TTC28: variants seen among roughly 807,000 people sequenced by gnomAD.
TTC28 encodes the protein tetratricopeptide repeat domain 28.
TTC28 carries 61 observed loss-of-function variants against 198.0 expected under a neutral mutation model. That is an observed-to-expected ratio of 0.31 (90% CI 0.25 to 0.38). The LOEUF (loss-of-function observed/expected upper bound fraction) is 0.38, where lower values mean the gene tolerates loss of function less well. TTC28 is among the 10% of genes least tolerant of loss of function. The pLI is 1.00. For synonymous variants in TTC28, 1,171 were observed against 1,297.8 expected (o/e 0.90, Z 2.10); for missense variants, 2,678 against 3,164.0 (o/e 0.85, Z 3.69).
chr22:28,228,255 A>G (rs1271327579), intron 5 of TTC28, among the ~76,000 whole-genome samples: 1 of 152,114 alleles, frequency 6.6e-6, no homozygotes, highest in Middle Eastern at 3.2e-3. Flanking sequence ...ACAAAATTCA[A>G]GTTGGGAAAA....
At chr22:28,097,472 A>G (rs1386361785) in intron 10 of TTC28, among the ~76,000 whole-genome samples, 1 of 152,180 alleles carries the variant, frequency 6.6e-6, no homozygotes, top group African/African-American at 2.4e-5. Flanking sequence ...TTGCTTCTCT[A>G]TCTCAAGCTT....
At chr22:28,128,564 G>GT (rs1157036825) in intron 6 of TTC28, among the ~76,000 whole-genome samples, 2 of 151,910 alleles carry the variant, frequency 1.3e-5, no homozygotes, top group African/African-American at 4.8e-5. Context: ...TTGAGACAGG[G>GT]TTTTGTTCTG....
chr22:28,227,884 T>C (rs553300204), intron 5 of TTC28, among the ~76,000 whole-genome samples: 2 of 152,250 alleles, frequency 1.3e-5, no homozygotes, highest in Middle Eastern at 3.4e-3. Flanking sequence ...CCAAAAGAAT[T>C]GAAAGCAGGA....
intron 12 of TTC28, among the ~76,000 whole-genome samples, chr22:28,051,820 C>A (rs959802137): frequency 3.7e-4 from 56 of 151,904 alleles, no homozygotes; most frequent in African/African-American, 1.3e-3. Flanking sequence ...ATGATTATAC[C>A]CTACCACCCA....
chr22:28,105,882 G>T, intron 7 of TTC28, 80 bp from the exon 8 acceptor site: 1 of 1,435,814 alleles, frequency 7.0e-7, no homozygotes, highest in Non-Finnish European at 9.1e-7. Context: ...AAAATGAAAA[G>T]CATTTGTCAC....
chr22:28,539,998 G>T (rs1031746186), intron 2 of TTC28, among the ~76,000 whole-genome samples: 1 of 141,836 alleles, frequency 7.1e-6, no homozygotes, highest in Non-Finnish European at 1.5e-5. Context: ...AGGCTGGAGT[G>T]CAGTGGCACG....
chr22:28,678,831 C>G (rs2052043547), intron 1 of TTC28, among the ~76,000 whole-genome samples: 2 of 152,196 alleles, frequency 1.3e-5, no homozygotes, highest in Admixed American at 1.3e-4. Flanking sequence ...GAAGCCTACT[C>G]TCTAAAACAG....
rs533516267 is a variant in TTC28, at chr22:28,202,166, T to A, written c.934-38567A>T. On this transcript the variant is annotated intron_variant, in intron 5 of 22. Coordinates refer to ENST00000397906, the MANE Select transcript of TTC28 (RefSeq NM_001145418.2). Reference sequence around the variant, plus strand: ...AGTCAGTCTAACTTCAGAGCCCAGGTTCTTTTCAAAATATCGTACTGCGTT... The same window carrying A: ...AGTCAGTCTAACTTCAGAGCCCAGGATCTTTTCAAAATATCGTACTGCGTT... 4.6e-5 allele frequency among the ~76,000 whole-genome samples: 7 copies of A among 152,180 alleles called. No homozygotes were observed. In the South Asian group the frequency reaches 1.5e-3, roughly 32 times the overall value.
At chr22:28,043,383 T>TC (rs1939742046) in intron 12 of TTC28, among the ~76,000 whole-genome samples, 1 of 151,886 alleles carries the variant, frequency 6.6e-6, no homozygotes, top group African/African-American at 2.4e-5. Flanking sequence ...CAGATTCCTT[T>TC]CCCCAAAATT....
chr22:28,532,009 C>G (rs1021027734), intron 2 of TTC28, among the ~76,000 whole-genome samples: 8 of 152,072 alleles, frequency 5.3e-5, no homozygotes, highest in Admixed American at 4.6e-4. Flanking sequence ...ACTTGAGAAG[C>G]AAGAGCAAAC....
At chr22:28,052,219 G>C (rs1411657991) in intron 12 of TTC28, among the ~76,000 whole-genome samples, 5 of 152,290 alleles carry the variant, frequency 3.3e-5, no homozygotes, top group African/African-American at 1.2e-4. Flanking sequence ...GCTGGCATCA[G>C]AATGTGGTGC....
chr22:28,592,417 T>A (rs865947822), intron 2 of TTC28, among the ~76,000 whole-genome samples: 10 of 151,988 alleles, frequency 6.6e-5, no homozygotes, highest in African/African-American at 2.2e-4. Flanking sequence ...TTGGGAGGCC[T>A]AGATGGGAGG....
intron 14 of TTC28, 143 bp downstream of exon 14, chr22:28,014,105 T>C (rs1569083276): frequency 1.9e-5 from 20 of 1,058,048 alleles, no homozygotes; most frequent in Non-Finnish European, 1.8e-5. Flanking sequence ...ACTGAGAAGC[T>C]GGACAGAGCG....
chr22:28,088,536 G>C (rs1056134823), intron 12 of TTC28, among the ~76,000 whole-genome samples: 4 of 151,144 alleles, frequency 2.6e-5, no homozygotes, highest in African/African-American at 9.7e-5. Flanking sequence ...AGACTTAAAC[G>C]TTAGACCTAA....
intron 2 of TTC28, among the ~76,000 whole-genome samples, chr22:28,575,858 T>C (rs554178801): frequency 1.3e-5 from 2 of 152,318 alleles, no homozygotes; most frequent in Non-Finnish European, 2.9e-5. Flanking sequence ...TTATTTTGTA[T>C]CCTGCAACTT....
At chr22:28,259,684 T>A (rs531220161) in intron 5 of TTC28, among the ~76,000 whole-genome samples, 215 of 152,160 alleles carry the variant, frequency 1.4e-3, no homozygotes, top group East Asian at 1.4e-3. Flanking sequence ...GTATTTTTTT[T>A]AAAAAGAATT....
intron 2 of TTC28, among the ~76,000 whole-genome samples, chr22:28,436,278 T>C (rs1026770092): frequency 2.6e-5 from 4 of 152,212 alleles, no homozygotes; most frequent in Non-Finnish European, 4.4e-5. Context: ...GTGCATCTCA[T>C]CCCATAAATA....
chr22:28,333,215 T>G (rs1212930076), intron 2 of TTC28, among the ~76,000 whole-genome samples: 1 of 152,116 alleles, frequency 6.6e-6, no homozygotes, highest in Non-Finnish European at 1.5e-5. Context: ...AACCAATTTT[T>G]TAAAAAACTG....
chr22:28,546,737 T>C (rs1005401008), intron 2 of TTC28, among the ~76,000 whole-genome samples: 6 of 152,212 alleles, frequency 3.9e-5, no homozygotes, highest in South Asian at 4.2e-4. Flanking sequence ...AACAAGTAAA[T>C]AGATAAATAA....
Sources: allele counts gnomAD v4.1 joint callset (sites outside exome capture counted in the v4.1 genomes callset), GRCh38; gene constraint gnomAD v4.1.1; transcripts MANE v1.5; gene names NCBI Gene and HGNC (gene_info 2026-07-23, HGNC 2026-07-21).